DLG2: variants seen among roughly 807,000 people sequenced by gnomAD.
DLG2 encodes the protein disks large homolog 2.
Under a neutral mutation model 132.5 loss-of-function variants are expected in DLG2, and 45 were observed. That is an observed-to-expected ratio of 0.34 (90% CI 0.27 to 0.44). DLG2 has a LOEUF of 0.44. Among genes scored for constraint, DLG2 ranks in the 20% least tolerant of loss-of-function variants. The pLI is 1.00. For missense variants in DLG2, 1,045 were observed against 1,196.9 expected (o/e 0.87, Z 1.87); for synonymous variants, 424 against 419.6 (o/e 1.01, Z -0.13).
chr11:85,041,995 G>T (rs964115158), intron 6 of DLG2, among the ~76,000 whole-genome samples: 1 of 151,810 alleles, frequency 6.6e-6, no homozygotes, highest in Non-Finnish European at 1.5e-5. Context: ...CACTATTCCA[G>T]TGACAGGTAT....
intron 9 of DLG2, among the ~76,000 whole-genome samples, chr11:84,141,758 G>A (rs2094858272): frequency 6.6e-6 from 1 of 151,794 alleles, no homozygotes; most frequent in African/African-American, 2.4e-5. Context: ...AGTTACATTG[G>A]TTTTATTGAG....
rs71066048 is a variant in DLG2 at position 83,536,565 on chromosome 11, G to GTT, written c.2118-3784_2118-3783dup. ...AAAATAGGGGTCTAAATAACGTGGT[G>GTT]TTTTTTTTTTTTTTTCTGGCAACTA... On this transcript the variant is annotated intron_variant, in intron 20 of 27. Transcript: ENST00000376104. Among the ~76,000 whole-genome samples, 262 of 142,308 alleles carry GTT rather than the reference G, an allele frequency of 1.8e-3. 1 individual carries two copies. The highest frequency in any genetic ancestry group is 6.2e-3 in the African/African-American group (241 of 39,102). 93.4% of individuals were successfully genotyped at this position (142,308 alleles called of 152,430 possible).
intron 7 of DLG2, among the ~76,000 whole-genome samples, chr11:84,287,554 C>T (rs1018306694): frequency 6.6e-6 from 1 of 152,124 alleles, no homozygotes; most frequent in East Asian, 1.9e-4. Flanking sequence ...AATCTGTTCT[C>T]CCTACTCCCT....
At chr11:85,212,019 C>G (rs1268078553) in intron 4 of DLG2, among the ~76,000 whole-genome samples, 1 of 152,046 alleles carries the variant, frequency 6.6e-6, no homozygotes, top group African/African-American at 2.4e-5. Context: ...AATTATCTCC[C>G]TCATCAAAAT....
chr11:84,763,230 G>A (rs981194432), intron 6 of DLG2: 3 of 152,142 alleles, frequency 2.0e-5, no homozygotes, highest in Non-Finnish European at 4.4e-5. Flanking sequence ...TTAATAGTTG[G>A]TTTACATGAC....
chr11:84,251,149 G>T, intron 8 of DLG2, 89 bp downstream of exon 8: 2 of 754,654 alleles, frequency 2.7e-6, no homozygotes, highest in South Asian at 2.2e-5. Flanking sequence ...ATTTAGTTTG[G>T]GTGAAACTAA....
chr11:85,424,922 A>G (rs1441909941), intron 3 of DLG2, among the ~76,000 whole-genome samples: 3 of 152,168 alleles, frequency 2.0e-5, no homozygotes, highest in African/African-American at 7.2e-5. Context: ...TCTGTTGCTT[A>G]AGCCACCCTA....
At chr11:84,418,381 T>G (rs1032751577) in intron 7 of DLG2, among the ~76,000 whole-genome samples, 2 of 152,188 alleles carry the variant, frequency 1.3e-5, no homozygotes, top group Non-Finnish European at 2.9e-5. Context: ...AGAATAATAG[T>G]TGGATGATAT....
chr11:85,205,138 A>ATG lies in DLG2; in HGVS notation c.187-50489_187-50488dup, dbSNP rs947729375. On this transcript the variant is annotated intron_variant, in intron 4 of 27. Coordinates refer to ENST00000376104, the MANE Select transcript of DLG2 (RefSeq NM_001142699.3). ...AAAGAAATATATATAATTCATATAT[A>ATG]TGTGTGTGTATATATATATATATAT... Among the ~76,000 whole-genome samples, 236 of 145,694 alleles carry ATG rather than the reference A, an allele frequency of 1.6e-3. 1 individual carries two copies. Among genetic ancestry groups the ATG allele is most frequent in the African/African-American group, 5.3e-3 (207 of 39,412 alleles).
intron 3 of DLG2, among the ~76,000 whole-genome samples, chr11:85,538,211 C>T (rs1489455431): frequency 6.6e-6 from 1 of 151,930 alleles, no homozygotes; most frequent in African/African-American, 2.4e-5. Flanking sequence ...ACCAAGAACC[C>T]ACCAATTCTA....
chr11:85,476,724 A>T (rs767460627), intron 3 of DLG2, among the ~76,000 whole-genome samples: 6 of 152,052 alleles, frequency 3.9e-5, no homozygotes, highest in Non-Finnish European at 7.4e-5. Flanking sequence ...CCACCTGCAC[A>T]TCTTGTCCCA....
At chr11:83,883,048 A>G (rs561032745) in intron 15 of DLG2, among the ~76,000 whole-genome samples, 1 of 151,724 alleles carries the variant, frequency 6.6e-6, no homozygotes, top group Non-Finnish European at 1.5e-5. Context: ...CCAATCAAGC[A>G]TGTTTGTCCC....
intron 6 of DLG2, among the ~76,000 whole-genome samples, chr11:84,787,758 C>G (rs1206516696): frequency 6.6e-6 from 1 of 152,030 alleles, no homozygotes; most frequent in Non-Finnish European, 1.5e-5. Context: ...AATTGCAGAA[C>G]ATCCATTAAA....
intron 6 of DLG2, among the ~76,000 whole-genome samples, chr11:85,098,319 C>T (rs955723679): frequency 3.3e-5 from 5 of 152,202 alleles, no homozygotes; most frequent in African/African-American, 9.6e-5. Flanking sequence ...GTATTCCCTT[C>T]CACAGCCCAG....
chr11:85,552,958 A>G (rs1451600284), intron 3 of DLG2, among the ~76,000 whole-genome samples: 8 of 151,762 alleles, frequency 5.3e-5, no homozygotes, highest in Admixed American at 5.3e-4. Context: ...CACACTGGAT[A>G]CATCATTGAG....
intron 10 of DLG2, among the ~76,000 whole-genome samples, chr11:84,090,371 A>C (rs1208584220): frequency 7.0e-6 from 1 of 142,826 alleles, no homozygotes; most frequent in Non-Finnish European, 1.5e-5. Flanking sequence ...CCAAGATCGC[A>C]CCATTGCACT....
intron 6 of DLG2, among the ~76,000 whole-genome samples, chr11:84,916,221 C>T (rs1407446818): frequency 8.0e-5 from 12 of 149,464 alleles, no homozygotes; most frequent in Admixed American, 7.3e-4. Context: ...TAGTGGCGGG[C>T]GCCTGTAGTC....
intron 6 of DLG2, among the ~76,000 whole-genome samples, chr11:84,865,092 A>G (rs940795202): frequency 1.3e-5 from 2 of 152,168 alleles, no homozygotes; most frequent in African/African-American, 2.4e-5. Flanking sequence ...TATTCATAAC[A>G]AATATATAAA....
chr11:84,785,919 T>C (rs1172404551), intron 6 of DLG2, among the ~76,000 whole-genome samples: 2 of 152,140 alleles, frequency 1.3e-5, no homozygotes. Flanking sequence ...CTTGTCATTT[T>C]CCTACCTAAG....
Sources: allele counts gnomAD v4.1 joint callset (sites outside exome capture counted in the v4.1 genomes callset), GRCh38; gene constraint gnomAD v4.1.1; transcripts MANE v1.5; gene names NCBI Gene and HGNC (gene_info 2026-07-23, HGNC 2026-07-21).